The following MPP4 variants were observed in gnomAD, a reference collection of about 807,000 sequenced individuals.
The protein encoded by MPP4 is MAGUK p55 subfamily member 4.
In MPP4, 91 loss-of-function variants were observed where a neutral mutation model predicts 98.3. The ratio of observed to expected loss-of-function variants is 0.93; its 90% CI spans 0.78 to 1.10. The LOEUF (loss-of-function observed/expected upper bound fraction) is 1.10, where lower values mean the gene tolerates loss of function less well. MPP4 is among the 50% of genes least tolerant of loss of function. The pLI is 0.00. For missense variants in MPP4, 744 were observed against 792.9 expected, an observed-to-expected ratio of 0.94 and a Z score of 0.74; for synonymous variants, 261 against 271.8, an observed-to-expected ratio of 0.96 and a Z score of 0.39.
intron 16 of MPP4, among the ~76,000 whole-genome samples, chr2:201,657,518 A>G (rs781221090): frequency 3.3e-5 from 5 of 150,864 alleles, no homozygotes; most frequent in Non-Finnish European, 7.4e-5. Context: ...ATCCAACACT[A>G]CAGGATTCAT....
At position 201,656,259 on chromosome 2, in the gene MPP4, G is replaced by A. The variant is rs368866347; in HGVS notation, c.1239C>T (p.Tyr413=). The A allele has an allele frequency of 6.2e-5, 100 of 1,600,028 alleles. No homozygotes were observed. Among genetic ancestry groups the A allele is most frequent in the East Asian group, 5.2e-4 (23 of 44,422 alleles). Residue 413 remains tyrosine (Y), a synonymous_variant, in exon 17 of 22, where the codon TAC becomes TAT. Transcript: ENST00000409474. ...GSCYSAVGAP[Y]EEVVRYQRRP... ...GTCGCTGGTACCTCACCACCTCCTC[G>A]TAAGGGGCACCCACTGCACTGTAGC...
intron 17 of MPP4, among the ~76,000 whole-genome samples, chr2:201,655,773 G>A (rs1045803018): frequency 5.9e-5 from 9 of 152,186 alleles, no homozygotes; most frequent in Non-Finnish European, 1.2e-4. Context: ...TCTAAAGGAA[G>A]TAGTTACAAA....
At chr2:201,694,096 C>T in intron 1 of MPP4, 42 bp from the exon 2 acceptor site, 4 of 1,561,502 alleles carry the variant, frequency 2.6e-6, no homozygotes, top group Non-Finnish European at 3.5e-6. Flanking sequence ...CAAGCCAGGC[C>T]CTGTGCTACA....
chr2:201,663,630 C>G (rs536035777), intron 14 of MPP4, among the ~76,000 whole-genome samples: 2 of 152,260 alleles, frequency 1.3e-5, no homozygotes, highest in Admixed American at 1.3e-4. Context: ...GTGGGAGGAT[C>G]ACCTGAGCCA....
chr2:201,698,144 T>TC, intron 1 of MPP4: 5 of 604,934 alleles, frequency 8.3e-6, no homozygotes, highest in African/African-American at 5.4e-5. Context: ...AATCTTGTTT[T>TC]AAAAGTATTT....
At chr2:201,668,531 GCA>G (rs1688247901) in intron 12 of MPP4, among the ~76,000 whole-genome samples, 1 of 150,940 alleles carries the variant, frequency 6.6e-6, no homozygotes, top group Non-Finnish European at 1.5e-5. Flanking sequence ...CTCTAAGGAT[GCA>G]CAGAGGCAAC....
Position 201,690,240 on chromosome 2 carries a change from C to T in MPP4, c.241G>A (p.Val81Ile). Residue 81 changes from valine (V) to isoleucine (I), a missense_variant, in exon 4 of 22, where the codon GTT becomes ATT. Val to Ile is a conservative substitution (Grantham distance 29, BLOSUM62 3). Coordinates refer to ENST00000409474, the MANE Select transcript of MPP4 (RefSeq NM_033066.3). ...CLQEFKEKKLVPATPHAQVLS... is the reference protein window; with the variant it reads ...CLQEFKEKKLIPATPHAQVLS... ...ACCTGTGCATGTGGTGTGGCAGGAACTAGTTTCTTTTCTTTAAATTCCTGG... is the reference window on the plus strand; with the variant it reads ...ACCTGTGCATGTGGTGTGGCAGGAATTAGTTTCTTTTCTTTAAATTCCTGG... 3.7e-6 allele frequency: 6 copies of T among 1,609,808 alleles called. No homozygotes were observed. The highest frequency in any genetic ancestry group is 5.1e-6 in the Non-Finnish European group (6 of 1,178,066).
At chr2:201,677,450 A>G (rs895431846) in intron 10 of MPP4, among the ~76,000 whole-genome samples, 4 of 152,158 alleles carry the variant, frequency 2.6e-5, no homozygotes, top group Admixed American at 6.5e-5. Flanking sequence ...TTTTTGGAGA[A>G]GCCTTCCTCC....
chr2:201,656,165 G>A lies in MPP4; in HGVS notation c.1300+33C>T, dbSNP rs779514627. Reference sequence around the variant, plus strand: ...TGAATCTAGAAGGAAGACTTCTCAAGGAGGAGGAGAGACAGTGCATGCTGG... The same window carrying A: ...TGAATCTAGAAGGAAGACTTCTCAAAGAGGAGGAGAGACAGTGCATGCTGG... On this transcript the variant is annotated intron_variant, in intron 17 of 21. Coordinates refer to ENST00000409474, the MANE Select transcript of MPP4 (RefSeq NM_033066.3). 4 of 1,551,284 alleles carry A rather than the reference G, an allele frequency of 2.6e-6. No homozygotes were observed. The South Asian group carries it at 3.7e-5, about 14-fold the overall frequency.
intron 5 of MPP4, 55 bp from the exon 6 acceptor site, chr2:201,686,105 TA>T (rs1688821878): frequency 1.9e-6 from 3 of 1,587,656 alleles, no homozygotes; most frequent in East Asian, 4.5e-5. Context: ...CAAACCCCTC[TA>T]GAAGATAGTA....
In MPP4 at chr2:201,680,856, GA is replaced by G; in HGVS notation, c.910del (p.Ser304LeufsTer5). On this transcript the variant is annotated frameshift_variant, in exon 10 of 22. Coordinates refer to ENST00000409474, the MANE Select transcript of MPP4 (RefSeq NM_033066.3). LOFTEE classifies it high-confidence loss of function. ...DPATCAGLVP[S>X]NHLLKRKQRE... is the part of the protein sequence containing the mutation. ...TCCTTACCTCTTCAGAAGGTGGTTA[GA>G]AGGGACAAGCCCAGCGCAGGTAGCA... 6.2e-7 allele frequency: 1 copy of G among 1,613,028 alleles called. No individual in the cohort carries two copies. The highest frequency in any genetic ancestry group is 8.5e-7 in the Non-Finnish European group (1 of 1,179,464).
At chr2:201,683,915 A>G (rs1232711305) in intron 7 of MPP4, among the ~76,000 whole-genome samples, 1 of 151,956 alleles carries the variant, frequency 6.6e-6, no homozygotes, top group East Asian at 1.9e-4. Flanking sequence ...GTATAGAACC[A>G]CTCATTTCAG....
rs867595503 is a variant in MPP4 at position 201,656,331 on chromosome 2, C to T, written c.1167G>A (p.Lys389=). 1.3e-6 allele frequency: 2 copies of T among 1,556,262 alleles called. No homozygotes were observed. Among genetic ancestry groups the T allele is most frequent in the Non-Finnish European group, 8.7e-7 (1 of 1,149,488 alleles). Residue 389 remains lysine, a synonymous_variant, in exon 17 of 22, where the codon AAG becomes AAA. Coordinates refer to ENST00000409474, the MANE Select transcript of MPP4 (RefSeq NM_033066.3). ...TGGCATGCAGCGGGCTGAGGTGAGA[C>T]TTCCTGCGACAAAGGCGCATGCTGC... is the stretch of plus-strand genomic sequence containing the variant. ...FRRSMRLCRR[K]SHLSPLHASV...
intron 16 of MPP4, among the ~76,000 whole-genome samples, chr2:201,657,079 T>G (rs1169338016): frequency 6.6e-6 from 1 of 152,112 alleles, no homozygotes; most frequent in East Asian, 1.9e-4. Context: ...TCTGAAAGAC[T>G]CCTCTGGTTG....
chr2:201,679,690 A>C (rs1173286258), intron 10 of MPP4, among the ~76,000 whole-genome samples: 1 of 152,140 alleles, frequency 6.6e-6, no homozygotes, highest in Non-Finnish European at 1.5e-5. Context: ...CTCCCTTATC[A>C]TCAAAATGTT....
At chr2:201,658,085 G>A (rs1878339) in intron 16 of MPP4, among the ~76,000 whole-genome samples, 1 of 151,746 alleles carries the variant, frequency 6.6e-6, no homozygotes, top group African/African-American at 2.4e-5. Context: ...AGGAAGCCCA[G>A]AGCGGTTTTA....
At chr2:201,676,689 C>T (rs1165187300) in intron 10 of MPP4, among the ~76,000 whole-genome samples, 1 of 152,192 alleles carries the variant, frequency 6.6e-6, no homozygotes, top group Non-Finnish European at 1.5e-5. Context: ...CACCTGAGGT[C>T]AGGAGTTCGA....
At chr2:201,690,139 G>T in intron 4 of MPP4, 63 bp downstream of exon 4, 2 of 1,056,948 alleles carry the variant, frequency 1.9e-6, no homozygotes, top group Non-Finnish European at 2.8e-6. Context: ...ATTTGAACTA[G>T]CAATGTGGGG....
chr2:201,697,227 G>A (rs1208068), intron 1 of MPP4, among the ~76,000 whole-genome samples: 2 of 152,148 alleles, frequency 1.3e-5, no homozygotes, highest in Non-Finnish European at 2.9e-5. Flanking sequence ...AGAACTGTAT[G>A]AGAAAATACA....
Sources: allele counts gnomAD v4.1 joint callset (sites outside exome capture counted in the v4.1 genomes callset), GRCh38; gene constraint gnomAD v4.1.1; transcripts MANE v1.5; gene names NCBI Gene and HGNC (gene_info 2026-07-23, HGNC 2026-07-21).